Variants in SNX29 observed in about 807,000 individuals in gnomAD.
The protein encoded by SNX29 is sorting nexin 29.
Under a neutral mutation model 102.1 loss-of-function variants are expected in SNX29, and 78 were observed. That is an observed-to-expected ratio of 0.76 (90% CI 0.64 to 0.92). SNX29 has a LOEUF of 0.92. Among genes scored for constraint, SNX29 ranks in the 40% least tolerant of loss-of-function variants. The pLI is 0.00. For synonymous variants in SNX29, 580 were observed against 414.5 expected (o/e 1.40, Z -4.85); for missense variants, 1,280 against 1,061.7 (o/e 1.21, Z -2.86).
chr16:12,006,484 C>A (rs565977364), intron 3 of SNX29, among the ~76,000 whole-genome samples: 7 of 149,476 alleles, frequency 4.7e-5, no homozygotes, highest in Non-Finnish European at 7.4e-5. Flanking sequence ...CCATTGCGTT[C>A]CAGCCTGGGC....
At chr16:12,136,366 T>A (rs370191432) in intron 13 of SNX29, among the ~76,000 whole-genome samples, 2 of 152,350 alleles carry the variant, frequency 1.3e-5, no homozygotes. Flanking sequence ...CACAGCACAG[T>A]GATTCTGGTC....
chr16:11,982,111 T>G (rs1172006588), intron 1 of SNX29, among the ~76,000 whole-genome samples: 1 of 151,520 alleles, frequency 6.6e-6, no homozygotes, highest in Non-Finnish European at 1.5e-5. Context: ...TAAAACATAC[T>G]GAAGACAATA....
chr16:12,462,034 C>CACAT (rs2086826085), intron 18 of SNX29, among the ~76,000 whole-genome samples: 1 of 132,214 alleles, frequency 7.6e-6, no homozygotes, highest in African/African-American at 2.9e-5. Flanking sequence ...CACACACACA[C>CACAT]ACACACACAC....
intron 11 of SNX29, among the ~76,000 whole-genome samples, chr16:12,092,736 C>T (rs759714469): frequency 6.6e-5 from 10 of 152,168 alleles, no homozygotes; most frequent in Non-Finnish European, 1.0e-4. Flanking sequence ...TTCTCATTTG[C>T]GGTGATTAAA....
chr16:12,483,201 A>G (rs1485355734), intron 19 of SNX29, among the ~76,000 whole-genome samples: 11 of 129,546 alleles, frequency 8.5e-5, no homozygotes, highest in African/African-American at 3.0e-4. Context: ...TAGAGATGGC[A>G]TTTCACCATG....
chr16:12,067,258 A>G (rs2051079512), intron 9 of SNX29, among the ~76,000 whole-genome samples: 1 of 152,132 alleles, frequency 6.6e-6, no homozygotes, highest in Admixed American at 6.6e-5. Flanking sequence ...TGGAGACAGC[A>G]AGGTAGAAGA....
chr16:12,171,108 C>T (rs2076140672), intron 13 of SNX29, among the ~76,000 whole-genome samples: 1 of 152,112 alleles, frequency 6.6e-6, no homozygotes, highest in African/African-American at 2.4e-5. Flanking sequence ...TCTAGCTCCT[C>T]ATGGACCCTG....
At chr16:12,344,898 C>G (rs80182892) in intron 15 of SNX29, among the ~76,000 whole-genome samples, 3 of 152,246 alleles carry the variant, frequency 2.0e-5, no homozygotes, top group Admixed American at 6.5e-5. Context: ...GCCAGCAGAG[C>G]CTTTTTAAAG....
intron 20 of SNX29, chr16:12,545,612 C>G (rs114048019): frequency 6.6e-6 from 1 of 152,182 alleles, no homozygotes; most frequent in Non-Finnish European, 1.5e-5. Flanking sequence ...GTACAGAAAG[C>G]AAGGGTCTGG....
At position 12,573,330 on chromosome 16, in the gene SNX29, GTCATGGAGTAGACAGTTACTTCT is replaced by G. The variant is rs1441547993; in HGVS notation, c.*4702_*4724del. 7.5e-5 allele frequency: 17 copies of G among 225,924 alleles called. No individual in the cohort carries two copies. The highest frequency in any genetic ancestry group is 1.1e-4 in the Non-Finnish European group (13 of 113,626). 14.0% of individuals were successfully genotyped at this position (225,924 alleles called of 1,614,324 possible). A position where few individuals can be genotyped will look rare whatever the true frequency, so the allele number is the denominator to read the frequency against. On this transcript the variant is annotated 3_prime_UTR_variant, in exon 21 of 21. Transcript: ENST00000566228. ...GCCCGATTTGGGTACTCTGAATTAT[GTCATGGAGTAGACAGTTACTTCT>G]AAATCCCAGCAACCAAGTTGCGTAT... is the stretch of plus-strand genomic sequence containing the variant.
At chr16:12,219,010 G>A (rs2077401914) in intron 14 of SNX29, among the ~76,000 whole-genome samples, 1 of 152,114 alleles carries the variant, frequency 6.6e-6, no homozygotes, top group Non-Finnish European at 1.5e-5. Flanking sequence ...TCCTGACCTT[G>A]TGATCTGCCC....
rs555270408 is a variant in SNX29, at chr16:12,253,842, G to C, written c.1679-24091G>C. ...TGTGGAGACTGGAGTGTGGGAGCAG[G>C]GGTGGAGGCAGAGAAGAGCTGGCAG... On this transcript the variant is annotated intron_variant, in intron 14 of 20. Coordinates refer to ENST00000566228, the MANE Select transcript of SNX29 (RefSeq NM_032167.5). Among the ~76,000 whole-genome samples the C allele has an allele frequency of 7.9e-5, 12 of 152,232 alleles. No individual in the cohort carries two copies. The East Asian group carries it at 2.3e-3, about 29-fold the overall frequency.
At chr16:12,540,301 G>A (rs372753181) in intron 20 of SNX29, among the ~76,000 whole-genome samples, 377 of 152,192 alleles carry the variant, frequency 2.5e-3, no homozygotes, top group African/African-American at 5.5e-3. Context: ...ATTACGGGGT[G>A]GCCCCACCCT....
At chr16:12,266,137 T>C (rs1269323143) in intron 14 of SNX29, among the ~76,000 whole-genome samples, 1 of 152,016 alleles carries the variant, frequency 6.6e-6, no homozygotes, top group African/African-American at 2.4e-5. Context: ...GTTGCCCAGG[T>C]TGGTCTTGAA....
intron 18 of SNX29, among the ~76,000 whole-genome samples, chr16:12,454,405 C>T (rs113287509): frequency 9.2e-4 from 140 of 152,300 alleles, no homozygotes; most frequent in African/African-American, 3.2e-3. Context: ...GAACCAAATG[C>T]GATTCCTACC....
intron 14 of SNX29, among the ~76,000 whole-genome samples, chr16:12,249,633 G>A (rs1249112188): frequency 1.3e-5 from 2 of 152,200 alleles, no homozygotes; most frequent in African/African-American, 4.8e-5. Flanking sequence ...CTATTGATAG[G>A]ACCCCAGGGA....
In SNX29 at chr16:12,019,591, TATAG is replaced by T. The variant is rs538458322; in HGVS notation, c.123-7697_123-7694del. The stretch of plus-strand genomic sequence containing the variant: ...ATTGTTATATATGTAAATATATATA[TATAG>T]ATAGATAGATAGATAGATAGATAGA... On this transcript the variant is annotated intron_variant, in intron 3 of 20. Coordinates refer to ENST00000566228, the MANE Select transcript of SNX29 (RefSeq NM_032167.5). 8.7e-3 allele frequency among the ~76,000 whole-genome samples: 1,240 copies of T among 142,824 alleles called. 12 individuals are homozygous for T. The highest frequency in any genetic ancestry group is 0.021 in the African/African-American group (804 of 37,572). The allele number at this position is 142,824 out of a possible 152,430, so 93.7% of individuals were successfully genotyped here.
chr16:12,527,039 G>A (rs1394647163), intron 20 of SNX29: 1 of 415,634 alleles, frequency 2.4e-6, no homozygotes, highest in Admixed American at 3.6e-5. Flanking sequence ...ACACAGTGTT[G>A]ACACTGGAAT....
intron 11 of SNX29, among the ~76,000 whole-genome samples, chr16:12,097,894 G>A (rs1217198563): frequency 6.6e-6 from 1 of 152,250 alleles, no homozygotes; most frequent in Non-Finnish European, 1.5e-5. Flanking sequence ...AGGCAGCTGG[G>A]TGTGAGTTTA....
Sources: gnomAD v4.1 joint callset for allele counts (sites outside exome capture counted in the v4.1 genomes callset) on GRCh38, gnomAD v4.1.1 for gene constraint, MANE v1.5 for transcripts, NCBI Gene and HGNC (gene_info 2026-07-23, HGNC 2026-07-21) for gene names.